TASP1: variants seen among roughly 807,000 people sequenced by gnomAD.
The protein encoded by TASP1 is threonine aspartase 1.
TASP1 carries 16 observed loss-of-function variants against 56.6 expected under a neutral mutation model. The observed-to-expected ratio is 0.28, with a 90% CI of 0.19 to 0.43. The LOEUF is 0.43. Among genes scored for constraint, TASP1 ranks in the 20% least tolerant of loss-of-function variants. The pLI is 1.00. For synonymous variants in TASP1, 179 were observed against 184.2 expected, an observed-to-expected ratio of 0.97 and a Z score of 0.23; for missense variants, 393 against 511.6, an observed-to-expected ratio of 0.77 and a Z score of 2.24.
chr20:13,268,310 T>C, the TASP1 span, among the ~76,000 whole-genome samples: 109 of 150,670 alleles, frequency 7.2e-4, 1 homozygote, highest in South Asian at 0.023. Context: ...TCTCTTCTCT[T>C]TTCTCTTCTC....
At chr20:13,628,497 G>A (rs1225489632) in intron 2 of TASP1, among the ~76,000 whole-genome samples, 1 of 152,160 alleles carries the variant, frequency 6.6e-6, no homozygotes. Flanking sequence ...AAGCACCTGT[G>A]AGAAAATGGG....
chr20:13,246,240 T>G, the TASP1 span, among the ~76,000 whole-genome samples: 1 of 151,146 alleles, frequency 6.6e-6, no homozygotes, highest in East Asian at 1.9e-4. Flanking sequence ...GCCACTGCAC[T>G]TTAGCCTGGG....
chr20:13,585,131 G>T (rs1281871033), intron 5 of TASP1, among the ~76,000 whole-genome samples: 2 of 152,052 alleles, frequency 1.3e-5, no homozygotes, highest in Non-Finnish European at 2.9e-5. Context: ...TCAATAGAGG[G>T]CAATGGACCA....
Position 13,580,985 on chromosome 20 carries a change from T to TTAAA in TASP1, c.404-5_404-4insTTTA. 3.4e-6 allele frequency: 5 copies of TTAAA among 1,468,652 alleles called. No individual in the cohort carries two copies. The highest frequency in any genetic ancestry group is 3.7e-6 in the Non-Finnish European group (4 of 1,091,462). 91.0% of individuals were successfully genotyped at this position (1,468,652 alleles called of 1,614,324 possible). A position where few individuals can be genotyped will look rare whatever the true frequency, so the allele number is the denominator to read the frequency against. Reference sequence around the variant, plus strand: ...ACCGAGACTGGGTTCTTGATTCCTATAAAAAAAAAAAAAAAATTGGCAAAA... The same window carrying TTAAA: ...ACCGAGACTGGGTTCTTGATTCCTATTAAAAAAAAAAAAAAAAAAATTGGCAAAA... On this transcript the variant is annotated splice_region_variant and splice_polypyrimidine_tract_variant and intron_variant, in intron 5 of 13. Coordinates refer to ENST00000337743, the MANE Select transcript of TASP1 (RefSeq NM_017714.3).
At chr20:13,294,350 C>T in the TASP1 span, among the ~76,000 whole-genome samples, 123 of 152,282 alleles carry the variant, frequency 8.1e-4, 2 homozygotes, top group East Asian at 0.014. Context: ...TAACAGGAAC[C>T]GTCTGCAAAT....
At chr20:13,336,688 T>A in the TASP1 span, among the ~76,000 whole-genome samples, 1 of 152,172 alleles carries the variant, frequency 6.6e-6, no homozygotes, top group Non-Finnish European at 1.5e-5. Flanking sequence ...TTATTTTGCA[T>A]TGGGCTCTAC....
At chr20:13,330,108 C>T in the TASP1 span, among the ~76,000 whole-genome samples, 16 of 152,072 alleles carry the variant, frequency 1.1e-4, no homozygotes, top group Non-Finnish European at 1.8e-4. Flanking sequence ...AGGTGCCTGC[C>T]ACCACACATG....
intron 1 of TASP1, among the ~76,000 whole-genome samples, chr20:13,636,334 A>G (rs1012497910): frequency 1.4e-5 from 1 of 71,506 alleles, no homozygotes; most frequent in African/African-American, 5.5e-5. Flanking sequence ...TTTTTTTTGT[A>G]TTTTTAGTAG....
At chr20:13,556,702 C>T (rs2046169897) in intron 8 of TASP1, among the ~76,000 whole-genome samples, 1 of 152,172 alleles carries the variant, frequency 6.6e-6, no homozygotes, top group African/African-American at 2.4e-5. Context: ...TCCCACAGGG[C>T]CTCTGCACAT....
chr20:13,332,366 GTTGT>G, the TASP1 span, among the ~76,000 whole-genome samples: 4 of 152,196 alleles, frequency 2.6e-5, no homozygotes, highest in Non-Finnish European at 5.9e-5. Flanking sequence ...TTGTCATCAT[GTTGT>G]TTATTTGCTA....
intron 11 of TASP1, among the ~76,000 whole-genome samples, chr20:13,438,630 G>A (rs866102126): frequency 2.8e-4 from 43 of 152,260 alleles, no homozygotes; most frequent in Non-Finnish European, 3.2e-4. Context: ...AAAAGCAATG[G>A]CAACAAAAGC....
the TASP1 span, among the ~76,000 whole-genome samples, chr20:13,315,616 T>C: frequency 6.6e-6 from 1 of 152,010 alleles, no homozygotes; most frequent in Non-Finnish European, 1.5e-5. Context: ...ACATCCCTCA[T>C]AGTTGAACTC....
chr20:13,396,332 G>A (rs149367549), intron 13 of TASP1, among the ~76,000 whole-genome samples: 19 of 152,350 alleles, frequency 1.2e-4, no homozygotes, highest in East Asian at 9.6e-4. Flanking sequence ...GAGTTTGGTC[G>A]TCAGACTTCA....
the TASP1 span, among the ~76,000 whole-genome samples, chr20:13,343,955 A>C: frequency 6.6e-6 from 1 of 151,916 alleles, no homozygotes; most frequent in Admixed American, 6.6e-5. Context: ...CTCCCAGCCC[A>C]CCGGGCTTCT....
chr20:13,451,267 T>C (rs916544838), intron 11 of TASP1, among the ~76,000 whole-genome samples: 3 of 152,048 alleles, frequency 2.0e-5, no homozygotes, highest in Non-Finnish European at 4.4e-5. Context: ...AAATAAGCAT[T>C]GGCTTCAATT....
At chr20:13,311,010 A>G in the TASP1 span, among the ~76,000 whole-genome samples, 13 of 152,190 alleles carry the variant, frequency 8.5e-5, no homozygotes, top group African/African-American at 2.9e-4. Context: ...CCTGGCCATC[A>G]TGGTGAAACC....
At chr20:13,430,121 G>T (rs1036265158) in intron 12 of TASP1, among the ~76,000 whole-genome samples, 1 of 152,144 alleles carries the variant, frequency 6.6e-6, no homozygotes, top group African/African-American at 2.4e-5. Context: ...CCCAAAAAGA[G>T]AATCAGGATC....
chr20:13,110,816 C>T, the TASP1 span, among the ~76,000 whole-genome samples: 1 of 152,106 alleles, frequency 6.6e-6, no homozygotes, highest in Non-Finnish European at 1.5e-5. Context: ...TGAATCAATT[C>T]TCAAACAATC....
At chr20:13,398,218 A>C (rs571082169) in intron 13 of TASP1, among the ~76,000 whole-genome samples, 16 of 152,246 alleles carry the variant, frequency 1.1e-4, no homozygotes, top group African/African-American at 2.9e-4. Context: ...CAAACCACCA[A>C]CAACTGATTT....
Sources: allele counts gnomAD v4.1 joint callset (sites outside exome capture counted in the v4.1 genomes callset), GRCh38; gene constraint gnomAD v4.1.1; transcripts MANE v1.5; gene names NCBI Gene and HGNC (gene_info 2026-07-23, HGNC 2026-07-21).